Variants in HHAT observed in about 807,000 individuals in gnomAD.
HHAT encodes hedgehog acyltransferase, also known as protein-cysteine N-palmitoyltransferase HHAT.
A neutral mutation model predicts 70.8 loss-of-function variants in HHAT; 47 were observed. The ratio of observed to expected loss-of-function variants is 0.66; its 90% CI spans 0.53 to 0.85. The LOEUF is 0.85. Among genes scored for constraint, HHAT ranks in the 40% least tolerant of loss-of-function variants. HHAT has a pLI of 0.00. For synonymous variants in HHAT, 228 were observed against 247.6 expected, an observed-to-expected ratio of 0.92 and a Z score of 0.74; for missense variants, 609 against 604.8, an observed-to-expected ratio of 1.01 and a Z score of -0.07.
At chr1:210,411,357 C>T (rs1478359143) in intron 6 of HHAT, among the ~76,000 whole-genome samples, 1 of 152,206 alleles carries the variant, frequency 6.6e-6, no homozygotes, top group African/African-American at 2.4e-5. Context: ...GCACAGTTGG[C>T]TTATTTAGAA....
At chr1:210,485,734 C>A (rs1443007728) in intron 8 of HHAT, among the ~76,000 whole-genome samples, 2 of 152,106 alleles carry the variant, frequency 1.3e-5, no homozygotes, top group East Asian at 3.9e-4. Flanking sequence ...CCTTATCAAA[C>A]TGTCAGATCT....
intron 7 of HHAT, among the ~76,000 whole-genome samples, chr1:210,450,960 A>G (rs7541460): frequency 0.37 from 56,585 of 151,434 alleles, 10,685 homozygotes; most frequent in South Asian, 0.47. Flanking sequence ...GGTGGTGGGC[A>G]CCTGTAGTCC....
intron 3 of HHAT, among the ~76,000 whole-genome samples, chr1:210,366,771 G>A (rs994014419): frequency 2.6e-5 from 4 of 152,122 alleles, no homozygotes; most frequent in African/African-American, 9.7e-5. Context: ...TGGTCATGCC[G>A]ATTTGCCATT....
intron 9 of HHAT, among the ~76,000 whole-genome samples, chr1:210,544,915 T>C (rs1045045892): frequency 1.3e-5 from 2 of 152,140 alleles, no homozygotes; most frequent in African/African-American, 4.8e-5. Flanking sequence ...AATTCCCAGG[T>C]CTGTTGATTC....
intron 3 of HHAT, among the ~76,000 whole-genome samples, chr1:210,367,366 G>A (rs1339013614): frequency 4.6e-5 from 7 of 152,146 alleles, no homozygotes; most frequent in Admixed American, 4.6e-4. Context: ...ATGGAGGTGA[G>A]AAATACATTG....
At chr1:210,450,293 G>T (rs371966516) in intron 7 of HHAT, among the ~76,000 whole-genome samples, 1 of 104,258 alleles carries the variant, frequency 9.6e-6, no homozygotes. Context: ...TGCGTCTCAG[G>T]TGGGGGGGGT....
chr1:210,580,915 T>C (rs1659126017), intron 9 of HHAT, among the ~76,000 whole-genome samples: 1 of 152,230 alleles, frequency 6.6e-6, no homozygotes, highest in South Asian at 2.1e-4. Flanking sequence ...TCTTCCACGA[T>C]GGTTGAACTA....
chr1:210,542,325 T>A (rs775578873), intron 9 of HHAT, among the ~76,000 whole-genome samples: 24 of 152,180 alleles, frequency 1.6e-4, no homozygotes, highest in Non-Finnish European at 3.5e-4. Flanking sequence ...TACCCCTGGC[T>A]TACCAGGGAC....
chr1:210,506,027 G>T (rs1360857595), intron 8 of HHAT, among the ~76,000 whole-genome samples: 1 of 152,182 alleles, frequency 6.6e-6, no homozygotes, highest in Non-Finnish European at 1.5e-5. Context: ...TCTGAGTTCT[G>T]CCATGGACAC....
intron 10 of HHAT, among the ~76,000 whole-genome samples, chr1:210,617,793 A>T (rs1434497514): frequency 6.6e-6 from 1 of 152,226 alleles, no homozygotes; most frequent in Non-Finnish European, 1.5e-5. Context: ...AGGAGTATGC[A>T]CACAGAGTTC....
chr1:210,533,098 A>G (rs1362794483), intron 9 of HHAT, among the ~76,000 whole-genome samples: 1 of 152,148 alleles, frequency 6.6e-6, no homozygotes, highest in East Asian at 1.9e-4. Context: ...TGTGGCATCT[A>G]GCATGGCACT....
Position 210,369,980 on chromosome 1 carries a change from C to T in HHAT, c.159+7061C>T, listed in dbSNP as rs149574701. On this transcript the variant is annotated intron_variant, in intron 3 of 11. Coordinates refer to ENST00000261458, the MANE Select transcript of HHAT (RefSeq NM_018194.6). Reference sequence around the variant, plus strand: ...TCAGTCATTGAAGGGTTTCAGGTGCCATTTGTTCTGTGGACTCTTTCTGGA... The same window carrying T: ...TCAGTCATTGAAGGGTTTCAGGTGCTATTTGTTCTGTGGACTCTTTCTGGA... Among the ~76,000 whole-genome samples, 372 of 152,008 alleles carry T rather than the reference C, an allele frequency of 2.4e-3. 1 individual carries two copies. The highest frequency in any genetic ancestry group is 6.7e-3 in the African/African-American group (278 of 41,440).
At chr1:210,369,071 T>G (rs993000751) in intron 3 of HHAT, among the ~76,000 whole-genome samples, 1 of 151,380 alleles carries the variant, frequency 6.6e-6, no homozygotes, top group East Asian at 1.9e-4. Context: ...AGAGTGAAAC[T>G]CTGTCTCAAA....
chr1:210,455,755 C>T (rs1017701026), intron 7 of HHAT, among the ~76,000 whole-genome samples: 2 of 152,146 alleles, frequency 1.3e-5, no homozygotes, highest in African/African-American at 4.8e-5. Flanking sequence ...TAAAATATTA[C>T]AACATAGTTG....
chr1:210,656,708 C>T (rs1417277941), intron 11 of HHAT, among the ~76,000 whole-genome samples: 2 of 152,102 alleles, frequency 1.3e-5, no homozygotes, highest in Admixed American at 6.5e-5. Flanking sequence ...TTTTCTCTGC[C>T]CTGAACAGTG....
chr1:210,629,010 A>G (rs1670372892), intron 11 of HHAT, among the ~76,000 whole-genome samples: 2 of 152,118 alleles, frequency 1.3e-5, no homozygotes, highest in South Asian at 4.1e-4. Context: ...GCTATCATTG[A>G]TTGTGTCTCT....
intron 10 of HHAT, among the ~76,000 whole-genome samples, chr1:210,602,624 A>G (rs1345825688): frequency 6.6e-6 from 1 of 152,134 alleles, no homozygotes; most frequent in Non-Finnish European, 1.5e-5. Flanking sequence ...AGGAACAGAA[A>G]CCACTTAACC....
At chr1:210,655,975 A>G (rs1310226866) in intron 11 of HHAT, among the ~76,000 whole-genome samples, 1 of 152,200 alleles carries the variant, frequency 6.6e-6, no homozygotes, top group African/African-American at 2.4e-5. Context: ...TCGGAGGCAG[A>G]TATCTGCAAT....
chr1:210,335,136 T>G (rs1222321105), intron 1 of HHAT, among the ~76,000 whole-genome samples: 2 of 152,154 alleles, frequency 1.3e-5, no homozygotes, highest in Non-Finnish European at 2.9e-5. Flanking sequence ...GACACATAAG[T>G]CTTAAATATG....
Sources: gnomAD v4.1 joint callset for allele counts (sites outside exome capture counted in the v4.1 genomes callset) on GRCh38, gnomAD v4.1.1 for gene constraint, MANE v1.5 for transcripts, NCBI Gene and HGNC (gene_info 2026-07-23, HGNC 2026-07-21) for gene names.